KCNJ6: variants seen among roughly 807,000 people sequenced by gnomAD.
KCNJ6 encodes the protein potassium inwardly rectifying channel subfamily J member 6.
In KCNJ6, 9 loss-of-function variants were observed where a neutral mutation model predicts 34.2. That is an observed-to-expected ratio of 0.26 (90% CI 0.16 to 0.46). The LOEUF is 0.46. Among genes scored for constraint, KCNJ6 ranks in the 20% least tolerant of loss-of-function variants. The probability of loss-of-function intolerance (pLI) is 1.00; values close to 1 mark genes in which losing one functional copy is unlikely to be tolerated. For synonymous variants in KCNJ6, 196 were observed against 207.1 expected (o/e 0.95, Z 0.46); for missense variants, 236 against 531.3 (o/e 0.44, Z 5.46).
chr21:37,623,532 C>T lies in KCNJ6; in HGVS notation c.*1627G>A, dbSNP rs926325204. 3.3e-5 allele frequency: 5 copies of T among 152,146 alleles called. No homozygotes were observed. The highest frequency in any genetic ancestry group is 1.9e-4 in the East Asian group (1 of 5,202). 9.4% of individuals were successfully genotyped at this position (152,146 alleles called of 1,614,324 possible). ...AACAGTGCAAAATCTCCACCTGCCC[C>T]GGAGGTTTGATCTAAGATTTGTTTC... On this transcript the variant is annotated 3_prime_UTR_variant, in exon 4 of 4. Coordinates refer to ENST00000609713, the MANE Select transcript of KCNJ6 (RefSeq NM_002240.5).
At chr21:37,731,100 A>AGTGTGTGTGTGTGT (rs113587330) in intron 2 of KCNJ6, among the ~76,000 whole-genome samples, 1,617 of 134,748 alleles carry the variant, frequency 0.012, 27 homozygotes, top group African/African-American at 0.034. Context: ...AGATGAGAGA[A>AGTGTGTGTGTGTGT]GTGTGTGTGT....
At chr21:37,761,281 AATG>A (rs1480489822) in intron 2 of KCNJ6, among the ~76,000 whole-genome samples, 2 of 143,812 alleles carry the variant, frequency 1.4e-5, no homozygotes, top group African/African-American at 5.4e-5. Flanking sequence ...GTGGTAGTGT[AATG>A]TGTGTAGAGT....
intron 3 of KCNJ6, among the ~76,000 whole-genome samples, chr21:37,643,352 G>A (rs1336625041): frequency 1.3e-5 from 2 of 152,200 alleles, no homozygotes; most frequent in African/African-American, 4.8e-5. Context: ...CCTGTGGACA[G>A]GAAACAGACT....
chr21:37,753,421 C>G (rs1344166365), intron 2 of KCNJ6, among the ~76,000 whole-genome samples: 3 of 152,160 alleles, frequency 2.0e-5, no homozygotes, highest in Non-Finnish European at 2.9e-5. Context: ...AAACTTCAAC[C>G]AGGCGTAAAT....
In KCNJ6 at chr21:37,614,676, G is replaced by C. The variant is rs2054258443; in HGVS notation, c.*10483C>G. On this transcript the variant is annotated 3_prime_UTR_variant, in exon 4 of 4. Coordinates refer to ENST00000609713, the MANE Select transcript of KCNJ6 (RefSeq NM_002240.5). Reference sequence around the variant, plus strand: ...TGTGTATGCATGTGTCTCTGTGTATGCGTGTGTGTATGCATGTCTTGGTGT... The same window carrying C: ...TGTGTATGCATGTGTCTCTGTGTATCCGTGTGTGTATGCATGTCTTGGTGT... The C allele has an allele frequency of 6.8e-6, 1 of 147,708 alleles. No homozygotes were observed. The highest frequency in any genetic ancestry group is 2.6e-5 in the African/African-American group (1 of 38,318). The allele number at this position is 147,708 out of a possible 1,614,324, so 9.1% of individuals were successfully genotyped here.
At chr21:37,831,816 C>T (rs1179248083) in intron 2 of KCNJ6, among the ~76,000 whole-genome samples, 11 of 152,070 alleles carry the variant, frequency 7.2e-5, no homozygotes, top group South Asian at 4.1e-4. Context: ...TGTCAGAAGG[C>T]GGTCTTGCGG....
intron 1 of KCNJ6, among the ~76,000 whole-genome samples, chr21:37,889,257 T>A (rs2055750262): frequency 6.6e-6 from 1 of 152,174 alleles, no homozygotes; most frequent in South Asian, 2.1e-4. Context: ...TTTTGAGGTT[T>A]GTGTTTGTGA....
intron 2 of KCNJ6, among the ~76,000 whole-genome samples, chr21:37,769,707 A>G (rs1309573243): frequency 6.6e-6 from 1 of 152,112 alleles, no homozygotes; most frequent in African/African-American, 2.4e-5. Flanking sequence ...TGTCCTCTCA[A>G]AAACTTAGGT....
At chr21:37,630,134 C>CTGTGTGTGTGTGTGTGTGTGTGTGTGTG (rs10527592) in intron 3 of KCNJ6, among the ~76,000 whole-genome samples, 3,799 of 144,070 alleles carry the variant, frequency 0.026, 98 homozygotes, top group East Asian at 0.042. Context: ...GATGACATCT[C>CTGTGTGTGTGTGTGTGTGTGTGTGTGTG]TGTGTGTGTG....
At chr21:37,859,532 A>AAATAT (rs2055584383) in intron 1 of KCNJ6, among the ~76,000 whole-genome samples, 7 of 77,806 alleles carry the variant, frequency 9.0e-5, no homozygotes, top group African/African-American at 5.3e-4. Context: ...TATATATATA[A>AAATAT]AATACTTAAA....
At chr21:37,811,041 G>A (rs554571394) in intron 2 of KCNJ6, among the ~76,000 whole-genome samples, 3 of 152,186 alleles carry the variant, frequency 2.0e-5, no homozygotes, top group South Asian at 2.1e-4. Flanking sequence ...TCCATCCTCC[G>A]GGAAGAGGAG....
chr21:37,608,177 C>G lies in KCNJ6; in HGVS notation c.*16982G>C, dbSNP rs1472134835. Reference sequence around the variant, plus strand: ...AATTCTAAGTCTCTATAAATTAGCACCAGTTTTCCAAATGCATATTTTATC... The same window carrying G: ...AATTCTAAGTCTCTATAAATTAGCAGCAGTTTTCCAAATGCATATTTTATC... On this transcript the variant is annotated 3_prime_UTR_variant, in exon 4 of 4. Coordinates refer to ENST00000609713, the MANE Select transcript of KCNJ6 (RefSeq NM_002240.5). 1 of 152,184 alleles carries G rather than the reference C, an allele frequency of 6.6e-6. No homozygotes were observed. The highest frequency in any genetic ancestry group is 1.9e-4 in the East Asian group (1 of 5,196). The allele number at this position is 152,184 out of a possible 1,614,324, so 9.4% of individuals were successfully genotyped here.
intron 2 of KCNJ6, among the ~76,000 whole-genome samples, chr21:37,783,293 A>T (rs2055178195): frequency 6.6e-6 from 1 of 152,154 alleles, no homozygotes; most frequent in South Asian, 2.1e-4. Context: ...TCTCATCTTG[A>T]ATTGTACTCC....
At chr21:37,713,240 A>T (rs2054771864) in intron 3 of KCNJ6, among the ~76,000 whole-genome samples, 5 of 152,130 alleles carry the variant, frequency 3.3e-5, no homozygotes. Flanking sequence ...TTCAGACAAT[A>T]TAAACCACCT....
At chr21:37,663,654 T>A (rs2054500372) in intron 3 of KCNJ6, among the ~76,000 whole-genome samples, 1 of 151,644 alleles carries the variant, frequency 6.6e-6, no homozygotes, top group African/African-American at 2.4e-5. Context: ...GATGAAAGGG[T>A]CACCATAATG....
intron 2 of KCNJ6, among the ~76,000 whole-genome samples, chr21:37,751,784 G>A (rs764990660): frequency 1.1e-4 from 17 of 152,164 alleles, no homozygotes; most frequent in Non-Finnish European, 2.5e-4. Context: ...AACCAATGTA[G>A]TGTAAGCTCC....
chr21:37,716,583 A>C (rs568175821), intron 2 of KCNJ6, among the ~76,000 whole-genome samples: 1 of 151,854 alleles, frequency 6.6e-6, no homozygotes, highest in Non-Finnish European at 1.5e-5. Context: ...GGGTCTCACT[A>C]TGTTGCTCAG....
Position 37,726,266 on chromosome 21 carries a change from T to G in KCNJ6, c.26-11135A>C, listed in dbSNP as rs77255156. 8.6e-3 allele frequency among the ~76,000 whole-genome samples: 1,317 copies of G among 152,346 alleles called. 11 individuals carry two copies. Among genetic ancestry groups the G allele is most frequent in the Admixed American group, 0.023 (348 of 15,306 alleles). On this transcript the variant is annotated intron_variant, in intron 2 of 3. Coordinates refer to ENST00000609713, the MANE Select transcript of KCNJ6 (RefSeq NM_002240.5). ...GTACTCATGGTCATCCTTCCTTGTTTTACTGTTTTCTTTTTCTGTCGTGTT... is the reference window on the plus strand; with the variant it reads ...GTACTCATGGTCATCCTTCCTTGTTGTACTGTTTTCTTTTTCTGTCGTGTT...
chr21:37,898,052 T>C (rs543191972), intron 1 of KCNJ6, among the ~76,000 whole-genome samples: 259 of 152,342 alleles, frequency 1.7e-3, no homozygotes, highest in African/African-American at 5.9e-3. Context: ...GGGTTCTCCA[T>C]GTTGACCGCC....
Sources: allele counts gnomAD v4.1 joint callset (sites outside exome capture counted in the v4.1 genomes callset), GRCh38; gene constraint gnomAD v4.1.1; transcripts MANE v1.5; gene names NCBI Gene and HGNC (gene_info 2026-07-23, HGNC 2026-07-21).